N4BP2L1: variants seen among roughly 807,000 people sequenced by gnomAD.
N4BP2L1 encodes NEDD4-binding protein 2-like 1.
Under a neutral mutation model 21.2 loss-of-function variants are expected in N4BP2L1, and 12 were observed. The ratio of observed to expected loss-of-function variants is 0.57; its 90% confidence interval spans 0.36 to 0.92. N4BP2L1 has a LOEUF of 0.92. N4BP2L1 is among the 40% of genes least tolerant of loss of function. The probability of loss-of-function intolerance (pLI) is 0.01; values close to 1 mark genes in which losing one functional copy is unlikely to be tolerated. For synonymous variants in N4BP2L1, 104 were observed against 112.8 expected (o/e 0.92, Z 0.49); for missense variants, 259 against 310.6 (o/e 0.83, Z 1.25).
At chr13:32,421,476 T>C (rs1307979321) in intron 1 of N4BP2L1, among the ~76,000 whole-genome samples, 1 of 152,218 alleles carries the variant, frequency 6.6e-6, no homozygotes, top group African/African-American at 2.4e-5. Flanking sequence ...TGTTTGTCCA[T>C]GAACTTCCCT....
intron 1 of N4BP2L1, chr13:32,424,859 C>A (rs2074676516): frequency 6.6e-6 from 1 of 152,190 alleles, no homozygotes; most frequent in African/African-American, 2.4e-5. Flanking sequence ...CCATCCACTT[C>A]AAACTATGAA....
chr13:32,402,417 A>ATAT lies in N4BP2L1; in HGVS notation c.*522_*524dup. 4.5e-6 allele frequency: 4 copies of ATAT among 880,468 alleles called. 1 individual carries two copies. The African/African-American group carries it at 7.3e-5, about 16-fold the overall frequency. 54.5% of individuals were successfully genotyped at this position (880,468 alleles called of 1,614,324 possible). A position where few individuals can be genotyped will look rare whatever the true frequency, so the allele number is the denominator to read the frequency against. Reference sequence around the variant, plus strand: ...TTCCCTTAGATGTATGCTTTCTGGCATATTAACATTAAAGGAAAATCAGTA... The same window carrying ATAT: ...TTCCCTTAGATGTATGCTTTCTGGCATATTATTAACATTAAAGGAAAATCAGTA... On this transcript the variant is annotated 3_prime_UTR_variant, in exon 5 of 5. Coordinates refer to ENST00000380130, the MANE Select transcript of N4BP2L1 (RefSeq NM_052818.3).
At chr13:32,428,388 TA>T (rs2074916427), upstream of N4BP2L1, 2 of 239,502 alleles carry the variant, frequency 8.4e-6, no homozygotes, top group African/African-American at 4.5e-5. Flanking sequence ...GGGCCCCGTC[TA>T]GTAGGTCTCT....
intron 3 of N4BP2L1, chr13:32,406,350 C>T (rs1356036561): frequency 6.6e-6 from 1 of 152,230 alleles, no homozygotes; most frequent in Admixed American, 6.5e-5. Flanking sequence ...CACACTGTTA[C>T]AGGCATCGTA....
upstream of N4BP2L1, chr13:32,428,321 C>G (rs2074914634): frequency 2.8e-6 from 1 of 360,042 alleles, no homozygotes; most frequent in Non-Finnish European, 4.9e-6. Context: ...GCACCCACTC[C>G]CACCTCGACC....
chr13:32,402,244 G>A lies in N4BP2L1; in HGVS notation c.*698C>T. 1.1e-6 allele frequency: 1 copy of A among 877,940 alleles called. No homozygotes were observed. Among genetic ancestry groups the A allele is most frequent in the Non-Finnish European group, 1.4e-6 (1 of 731,932 alleles). 54.4% of individuals were successfully genotyped at this position (877,940 alleles called of 1,614,324 possible). On this transcript the variant is annotated 3_prime_UTR_variant, in exon 5 of 5. Coordinates refer to ENST00000380130, the MANE Select transcript of N4BP2L1 (RefSeq NM_052818.3). The stretch of plus-strand genomic sequence containing the variant: ...AGGTTTAATCCTGCTGAATAAAGTA[G>A]TAAAAACACAAGGCGTGACTTTAAA...
At chr13:32,428,426 G>C (rs575168393), upstream of N4BP2L1, 3 of 192,578 alleles carry the variant, frequency 1.6e-5, no homozygotes, top group Admixed American at 1.8e-4. Context: ...CTGGAAGCCA[G>C]GCCTCCTGCC....
chr13:32,416,468 A>G (rs1253340514), intron 1 of N4BP2L1: 1 of 152,238 alleles, frequency 6.6e-6, no homozygotes, highest in Non-Finnish European at 1.5e-5. Context: ...CCATATCATG[A>G]ACAAATTTCA....
At chr13:32,404,718 C>T (rs987195554) in intron 3 of N4BP2L1, among the ~76,000 whole-genome samples, 1 of 151,472 alleles carries the variant, frequency 6.6e-6, no homozygotes, top group Non-Finnish European at 1.5e-5. Context: ...AACTCAGTGA[C>T]GTCTCAAAGT....
intron 1 of N4BP2L1, among the ~76,000 whole-genome samples, chr13:32,419,176 C>A (rs7490552): frequency 0.011 from 1,610 of 149,628 alleles, 31 homozygotes; most frequent in African/African-American, 0.036. Flanking sequence ...TGGGAGGTAA[C>A]TGAATCATGG....
At chr13:32,428,853 TACCGAA>T (rs936666125), upstream of N4BP2L1, among the ~76,000 whole-genome samples, 1 of 152,210 alleles carries the variant, frequency 6.6e-6, no homozygotes, top group Non-Finnish European at 1.5e-5. Context: ...TGGCAGAGTC[TACCGAA>T]ACCATTTATA....
intron 1 of N4BP2L1, among the ~76,000 whole-genome samples, chr13:32,421,254 G>T (rs544294176): frequency 6.6e-6 from 1 of 152,320 alleles, no homozygotes; most frequent in African/African-American, 2.4e-5. Flanking sequence ...AAAAGAAATA[G>T]ATAATAAATA....
intron 1 of N4BP2L1, among the ~76,000 whole-genome samples, chr13:32,422,310 C>T (rs546471735): frequency 1.3e-5 from 2 of 151,930 alleles, no homozygotes; most frequent in East Asian, 1.9e-4. Context: ...TACCCTTTCA[C>T]GAGATCACCC....
chr13:32,427,015 A>G (rs1410368615), intron 1 of N4BP2L1, among the ~76,000 whole-genome samples: 1 of 152,158 alleles, frequency 6.6e-6, no homozygotes. Flanking sequence ...GGAGATAAAA[A>G]CAGTTCGAAG....
intron 1 of N4BP2L1, chr13:32,424,780 T>A (rs1408709236): frequency 6.6e-6 from 1 of 152,208 alleles, no homozygotes; most frequent in East Asian, 1.9e-4. Context: ...GCTCAAAAAA[T>A]TTAATCAGTT....
intron 1 of N4BP2L1, chr13:32,411,586 CAGGAG>C (rs2073863110): frequency 1.0e-6 from 1 of 985,018 alleles, no homozygotes; most frequent in Admixed American, 6.2e-5. Context: ...TTATGGTGGT[CAGGAG>C]CCTCATGCAT....
chr13:32,412,041 C>T (rs1417106017), intron 1 of N4BP2L1: 1 of 152,244 alleles, frequency 6.6e-6, no homozygotes, highest in African/African-American at 2.4e-5. Context: ...CTTGTCTCAT[C>T]AGTGTTTTCC....
intron 4 of N4BP2L1, 183 bp downstream of exon 4, chr13:32,404,137 GA>G (rs989842632): frequency 6.9e-6 from 11 of 1,602,112 alleles, no homozygotes; most frequent in African/African-American, 1.3e-5. Flanking sequence ...CATTATATTA[GA>G]AAACTGACCC....
chr13:32,417,542 G>A (rs557288857), intron 1 of N4BP2L1, among the ~76,000 whole-genome samples: 13 of 152,088 alleles, frequency 8.5e-5, no homozygotes, highest in South Asian at 2.1e-4. Flanking sequence ...ACCCAGTTTC[G>A]GGTATGTCTT....
Sources: gnomAD v4.1 joint callset for allele counts (sites outside exome capture counted in the v4.1 genomes callset) on GRCh38, gnomAD v4.1.1 for gene constraint, MANE v1.5 for transcripts, NCBI Gene and HGNC (gene_info 2026-07-23, HGNC 2026-07-21) for gene names.